SND1: variants seen among roughly 807,000 people sequenced by gnomAD.
The protein encoded by SND1 is staphylococcal nuclease domain-containing protein 1.
A neutral mutation model predicts 121.7 loss-of-function variants in SND1; 38 were observed. That is an observed-to-expected ratio of 0.31 (90% CI 0.24 to 0.41). The LOEUF (loss-of-function observed/expected upper bound fraction) is 0.41, where lower values mean the gene tolerates loss of function less well. Among genes scored for constraint, SND1 ranks in the 10% least tolerant of loss-of-function variants. SND1 has a pLI of 1.00. For synonymous variants in SND1, 401 were observed against 447.4 expected (o/e 0.90, Z 1.31); for missense variants, 868 against 1,184.6 (o/e 0.73, Z 3.92).
intron 12 of SND1, among the ~76,000 whole-genome samples, chr7:127,852,662 T>C (rs1461429951): frequency 6.6e-6 from 1 of 151,846 alleles, no homozygotes; most frequent in Admixed American, 6.6e-5. Context: ...AATACAAAAA[T>C]TAGCTGGGTG....
At position 128,081,374 on chromosome 7, in the gene SND1, T is replaced by C; in HGVS notation, c.1983T>C (p.Tyr661=). The C allele has an allele frequency of 6.2e-7, 1 of 1,614,082 alleles. No homozygotes were observed. Among genetic ancestry groups the C allele is most frequent in the Non-Finnish European group, 8.5e-7 (1 of 1,179,994 alleles). ...TGAACATGCAGGTCTGGGCCCACTA[T>C]GAGGAGCAGCCCGTGGAGGAGGTGA... ...KQKKEKVWAH[Y]EEQPVEEVMP... Residue 661 remains tyrosine, a synonymous_variant, in exon 18 of 24, where the codon TAT becomes TAC. Transcript: ENST00000354725.
chr7:128,078,180 C>G (rs1793537798), intron 17 of SND1, among the ~76,000 whole-genome samples: 1 of 152,226 alleles, frequency 6.6e-6, no homozygotes, highest in African/African-American at 2.4e-5. Context: ...ACGCCTGTCC[C>G]AGCTGACTGA....
chr7:127,724,486 A>G (rs145471261), intron 10 of SND1, among the ~76,000 whole-genome samples: 17 of 152,344 alleles, frequency 1.1e-4, no homozygotes, highest in African/African-American at 3.8e-4. Context: ...TCCTGTGAAC[A>G]TCTTAGGATA....
intron 16 of SND1, chr7:128,000,077 TAAAAAAAAAAA>T (rs746493427): frequency 2.9e-5 from 3 of 103,190 alleles, no homozygotes; most frequent in Non-Finnish European, 5.7e-5. Context: ...GAGTGTTCTC[TAAAAAAAAAAA>T]AAAAAAAAAA....
intron 1 of SND1, among the ~76,000 whole-genome samples, chr7:127,679,457 A>G: frequency 6.6e-6 from 1 of 152,330 alleles, no homozygotes; most frequent in East Asian, 1.9e-4. Context: ...AGATATAATT[A>G]ACATACCATA....
intron 14 of SND1, among the ~76,000 whole-genome samples, chr7:127,912,293 G>C (rs1401894642): frequency 6.6e-6 from 1 of 152,124 alleles, no homozygotes; most frequent in African/African-American, 2.4e-5. Flanking sequence ...AGGTACCACA[G>C]TTAATGATGG....
intron 10 of SND1, among the ~76,000 whole-genome samples, chr7:127,728,791 G>T (rs1036673348): frequency 4.6e-5 from 7 of 152,186 alleles, no homozygotes; most frequent in African/African-American, 1.7e-4. Context: ...TTGCTTGTGA[G>T]TGGGCATCAT....
chr7:127,892,529 G>A (rs1800027296), intron 13 of SND1, among the ~76,000 whole-genome samples: 1 of 152,070 alleles, frequency 6.6e-6, no homozygotes, highest in Non-Finnish European at 1.5e-5. Context: ...GGCCCATCTA[G>A]AGGAAGTCAC....
At chr7:128,037,626 G>T (rs1792773671) in intron 16 of SND1, among the ~76,000 whole-genome samples, 1 of 152,178 alleles carries the variant, frequency 6.6e-6, no homozygotes, top group Admixed American at 6.5e-5. Context: ...AGGGGAAAGG[G>T]ACAATGCATC....
At chr7:127,738,207 T>A (rs1311102499) in intron 10 of SND1, among the ~76,000 whole-genome samples, 1 of 152,020 alleles carries the variant, frequency 6.6e-6, no homozygotes, top group Admixed American at 6.5e-5. Flanking sequence ...GGTAGGTACA[T>A]TGATTACTCC....
At chr7:127,864,845 T>C (rs1799440494) in intron 12 of SND1, among the ~76,000 whole-genome samples, 1 of 152,052 alleles carries the variant, frequency 6.6e-6, no homozygotes, top group Admixed American at 6.5e-5. Flanking sequence ...AAGCTTCTCA[T>C]TGGCAAAGCA....
At chr7:128,059,724 G>A (rs1449800039) in intron 16 of SND1, among the ~76,000 whole-genome samples, 2 of 152,142 alleles carry the variant, frequency 1.3e-5, no homozygotes, top group Non-Finnish European at 2.9e-5. Flanking sequence ...TCTGCTGTTT[G>A]TCTGGCCTTG....
chr7:127,686,291 G>T (rs1207857531), intron 1 of SND1, among the ~76,000 whole-genome samples: 1 of 152,100 alleles, frequency 6.6e-6, no homozygotes, highest in Non-Finnish European at 1.5e-5. Flanking sequence ...GAATGCAAGG[G>T]GTGGTACTTG....
chr7:127,866,774 T>C (rs1799486770), intron 12 of SND1, among the ~76,000 whole-genome samples: 1 of 152,212 alleles, frequency 6.6e-6, no homozygotes, highest in Non-Finnish European at 1.5e-5. Context: ...TTCCTATCAC[T>C]GTCAGCAGTC....
At chr7:127,713,003 A>T (rs977596024) in intron 9 of SND1, among the ~76,000 whole-genome samples, 10 of 152,264 alleles carry the variant, frequency 6.6e-5, no homozygotes, top group African/African-American at 2.4e-4. Context: ...TTTGCCAAAC[A>T]TGTCTTTAGA....
chr7:127,901,962 A>G (rs1300591461), intron 13 of SND1, among the ~76,000 whole-genome samples: 2 of 152,204 alleles, frequency 1.3e-5, no homozygotes, highest in East Asian at 3.8e-4. Context: ...TTTAAATGTC[A>G]TATGTATACT....
At chr7:127,660,177 A>G (rs141439228) in intron 1 of SND1, among the ~76,000 whole-genome samples, 15 of 152,276 alleles carry the variant, frequency 9.9e-5, no homozygotes, top group Non-Finnish European at 2.2e-4. Flanking sequence ...TCAGTAGTGT[A>G]TCATGATAAA....
chr7:127,834,374 C>G (rs1161835324), intron 11 of SND1, among the ~76,000 whole-genome samples: 1 of 152,138 alleles, frequency 6.6e-6, no homozygotes, highest in Non-Finnish European at 1.5e-5. Context: ...GGTAACTGCC[C>G]AGTTTGTGAA....
intron 11 of SND1, among the ~76,000 whole-genome samples, chr7:127,831,654 G>A (rs887363247): frequency 3.3e-5 from 5 of 152,190 alleles, no homozygotes; most frequent in African/African-American, 1.2e-4. Context: ...AGTGACCGTG[G>A]CCTCAGTGTG....
Sources: gnomAD v4.1 joint callset for allele counts (sites outside exome capture counted in the v4.1 genomes callset) on GRCh38, gnomAD v4.1.1 for gene constraint, MANE v1.5 for transcripts, NCBI Gene and HGNC (gene_info 2026-07-23, HGNC 2026-07-21) for gene names.